The following KDM3B variants were observed in gnomAD, a reference collection of about 807,000 sequenced individuals.
KDM3B encodes lysine-specific demethylase 3B.
Under a neutral mutation model 170.0 loss-of-function variants are expected in KDM3B, and 10 were observed. That is an observed-to-expected ratio of 0.06 (90% CI 0.04 to 0.10). The LOEUF is 0.10. KDM3B is among the 10% of genes least tolerant of loss of function. The pLI is 1.00. For synonymous variants in KDM3B, 831 were observed against 834.8 expected, an observed-to-expected ratio of 1.00 and a Z score of 0.08; for missense variants, 1,394 against 2,195.2, an observed-to-expected ratio of 0.64 and a Z score of 7.29.
intron 11 of KDM3B, among the ~76,000 whole-genome samples, chr5:138,408,294 G>A (rs1277887581): frequency 6.6e-6 from 1 of 151,404 alleles, no homozygotes; most frequent in Non-Finnish European, 1.5e-5. Context: ...AACTGGTCTG[G>A]GAGTCCCCTC....
Position 138,372,744 on chromosome 5 carries a change from T to C in KDM3B, c.263T>C (p.Ile88Thr). Residue 88 changes from isoleucine to threonine, a missense_variant, in exon 2 of 24, where the codon ATC (isoleucine) becomes ACC (threonine). Ile to Thr is a moderately conservative substitution (Grantham distance 89). Coordinates refer to ENST00000314358, the MANE Select transcript of KDM3B (RefSeq NM_016604.4). Reference sequence around the variant, plus strand: ...GTAAAAGTTCATGCTGAGGAAGTTATCGTGCTTCTGCTGGAAGGGTCTCTT... The same window carrying C: ...GTAAAAGTTCATGCTGAGGAAGTTACCGTGCTTCTGCTGGAAGGGTCTCTT... The part of the protein sequence containing the change: ...SWVKVHAEEV[I>T]VLLLEGSLVW... 2 of 1,614,152 alleles carry C rather than the reference T, an allele frequency of 1.2e-6. No homozygotes were observed. Among genetic ancestry groups the C allele is most frequent in the Non-Finnish European group, 1.7e-6 (2 of 1,180,012 alleles).
At chr5:138,363,833 A>G (rs1314198691) in intron 1 of KDM3B, among the ~76,000 whole-genome samples, 3 of 151,582 alleles carry the variant, frequency 2.0e-5, no homozygotes, top group Non-Finnish European at 4.4e-5. Context: ...GGCGTGAGCC[A>G]TTGCGCCTGG....
At chr5:138,414,241 C>G (rs925959504) in intron 11 of KDM3B, among the ~76,000 whole-genome samples, 1 of 152,178 alleles carries the variant, frequency 6.6e-6, no homozygotes, top group Non-Finnish European at 1.5e-5. Context: ...TCTCAGCTCA[C>G]TGCAAGCTCC....
At chr5:138,412,872 C>T (rs1158319155) in intron 11 of KDM3B, among the ~76,000 whole-genome samples, 3 of 152,112 alleles carry the variant, frequency 2.0e-5, no homozygotes, top group African/African-American at 7.2e-5. Flanking sequence ...TTAACTTTTA[C>T]GCTCAAGCGA....
chr5:138,418,612 A>G (rs932800528), intron 13 of KDM3B, among the ~76,000 whole-genome samples: 3 of 152,230 alleles, frequency 2.0e-5, no homozygotes, highest in South Asian at 2.1e-4. Context: ...TGTCAGAACT[A>G]TGCTAAGCCC....
intron 1 of KDM3B, among the ~76,000 whole-genome samples, chr5:138,370,407 G>T (rs1469295562): frequency 6.6e-6 from 1 of 152,062 alleles, no homozygotes; most frequent in Non-Finnish European, 1.5e-5. Context: ...AGGCTACTGA[G>T]CTATGGTTCC....
rs779409939 is a variant in KDM3B, at chr5:138,391,435, C to T, written c.1803C>T (p.Leu601=). 6.2e-7 allele frequency: 1 copy of T among 1,614,016 alleles called. No homozygotes were observed. The highest frequency in any genetic ancestry group is 1.7e-5 in the Admixed American group (1 of 59,996). ...RKVPAESMPT[L]TPAFPRSLLN... ...TGCCTGCAGAGTCCATGCCCACCCTCACTCCAGCCTTCCCACGGAGCCTCC... is the reference window on the plus strand; with the variant it reads ...TGCCTGCAGAGTCCATGCCCACCCTTACTCCAGCCTTCCCACGGAGCCTCC... The change falls in exon 8 of 24, where the codon CTC becomes CTT. Residue 601 remains leucine (L), a synonymous_variant. Transcript: ENST00000314358. The surrounding 1 kb of genome is among the most constrained non-coding windows in gnomAD (Gnocchi z 5.0).
At chr5:138,376,492 C>T (rs1762002391) in intron 3 of KDM3B, among the ~76,000 whole-genome samples, 1 of 151,878 alleles carries the variant, frequency 6.6e-6, no homozygotes, top group Non-Finnish European at 1.5e-5. Context: ...ATCATGAGGT[C>T]AGGGGATCGA....
At chr5:138,362,477 T>C (rs1420163893) in intron 1 of KDM3B, among the ~76,000 whole-genome samples, 3 of 150,844 alleles carry the variant, frequency 2.0e-5, no homozygotes, top group East Asian at 1.9e-4. Context: ...CAAAAATCAT[T>C]AAGTCGGGTG....
At position 138,386,383 on chromosome 5, in the gene KDM3B, C is replaced by G; in HGVS notation, c.1142C>G (p.Ser381Cys). The change falls in exon 7 of 24, where the codon TCT becomes TGT. Residue 381 changes from serine to cysteine, a missense_variant. Ser to Cys is a moderately radical substitution (Grantham distance 112). Coordinates refer to ENST00000314358, the MANE Select transcript of KDM3B (RefSeq NM_016604.4). ...DEPVGGDTPA[S>C]FTPYSTATGQ... Reference sequence around the variant, plus strand: ...CCTGTAGGTGGGGACACACCTGCATCTTTCACTCCATATTCTACAGCCACA... The same window carrying G: ...CCTGTAGGTGGGGACACACCTGCATGTTTCACTCCATATTCTACAGCCACA... 6.2e-7 allele frequency: 1 copy of G among 1,614,252 alleles called. No homozygotes were observed. Among genetic ancestry groups the G allele is most frequent in the Non-Finnish European group, 8.5e-7 (1 of 1,180,044 alleles).
chr5:138,425,823 T>G, intron 17 of KDM3B: 3 of 327,822 alleles, frequency 9.2e-6, no homozygotes, highest in Non-Finnish European at 5.7e-6. Flanking sequence ...CTGGCCAACT[T>G]AGCGAAACCC....
chr5:138,403,846 A>G (rs1199362861), intron 11 of KDM3B, among the ~76,000 whole-genome samples: 2 of 143,632 alleles, frequency 1.4e-5, no homozygotes, highest in Non-Finnish European at 3.1e-5. Context: ...AAAAAAAAAG[A>G]ACTTTAATGT....
intron 1 of KDM3B, among the ~76,000 whole-genome samples, chr5:138,356,636 C>CTTTTTTTTT (rs539401228): frequency 3.5e-5 from 3 of 85,994 alleles, no homozygotes; most frequent in Non-Finnish European, 6.5e-5. Flanking sequence ...TGTCTCTTGA[C>CTTTTTTTTT]TTTTTTTTTT....
At position 138,391,117 on chromosome 5, in the gene KDM3B, T is replaced by A; in HGVS notation, c.1485T>A (p.Val495=). 6.2e-7 allele frequency: 1 copy of A among 1,614,190 alleles called. No individual in the cohort carries two copies. The highest frequency in any genetic ancestry group is 8.5e-7 in the Non-Finnish European group (1 of 1,180,000). Residue 495 remains valine, a synonymous_variant, in exon 8 of 24, where the codon GTT becomes GTA. Transcript: ENST00000314358. This position sits in a 1 kb window ranked among gnomAD's most constrained non-coding sequence, Gnocchi z 5.0. ...FGSGRSQSNG[V]LATENKPLGF... is the part of the protein sequence containing the mutation. The stretch of plus-strand genomic sequence containing the variant: ...GTGGAAGGAGCCAGTCCAATGGTGT[T>A]CTAGCCACAGAGAACAAACCTTTGG...
At chr5:138,362,551 TACACACACAC>T (rs370412367) in intron 1 of KDM3B, among the ~76,000 whole-genome samples, 2 of 124,710 alleles carry the variant, frequency 1.6e-5, no homozygotes, top group Admixed American at 8.7e-5. Flanking sequence ...TATATGTGTA[TACACACACAC>T]ACACACACAC....
intron 9 of KDM3B, among the ~76,000 whole-genome samples, chr5:138,393,822 A>C (rs1762489911): frequency 6.6e-6 from 1 of 152,144 alleles, no homozygotes; most frequent in Admixed American, 6.5e-5. Context: ...GAAATGTGGG[A>C]ATATCGTCTG....
intron 1 of KDM3B, among the ~76,000 whole-genome samples, chr5:138,367,085 C>T (rs1373977666): frequency 2.0e-5 from 3 of 152,194 alleles, no homozygotes; most frequent in Non-Finnish European, 4.4e-5. Context: ...TTGTATACTA[C>T]TACCTCTTCT....
intron 7 of KDM3B, among the ~76,000 whole-genome samples, chr5:138,389,695 G>A (rs1315471940): frequency 6.6e-6 from 1 of 151,772 alleles, no homozygotes; most frequent in Non-Finnish European, 1.5e-5. Context: ...AGCAAGTCAA[G>A]TACTAGGATC....
intron 3 of KDM3B, among the ~76,000 whole-genome samples, chr5:138,376,562 G>A (rs1437247289): frequency 6.6e-6 from 1 of 151,966 alleles, no homozygotes; most frequent in Non-Finnish European, 1.5e-5. Flanking sequence ...AAATTAGCTG[G>A]GTGTCGTGGT....
Sources: allele counts gnomAD v4.1 joint callset (sites outside exome capture counted in the v4.1 genomes callset), GRCh38; gene constraint gnomAD v4.1.1; non-coding constraint Gnocchi (gnomAD v3.1); transcripts MANE v1.5; gene names NCBI Gene and HGNC (gene_info 2026-07-23, HGNC 2026-07-21).